The following KHDRBS3 variants were observed in gnomAD, a reference collection of about 807,000 sequenced individuals.
KHDRBS3 encodes KH domain-containing, RNA-binding, signal transduction-associated protein 3.
KHDRBS3 carries 23 observed loss-of-function variants against 45.6 expected under a neutral mutation model. The observed-to-expected ratio is 0.50, with a 90% confidence interval of 0.36 to 0.72. The LOEUF (loss-of-function observed/expected upper bound fraction) is 0.72. KHDRBS3 is among the 30% of genes least tolerant of loss of function. The probability of loss-of-function intolerance (pLI) is 0.00; values close to 1 mark genes in which losing one functional copy is unlikely to be tolerated. For synonymous variants in KHDRBS3, 162 were observed against 156.5 expected (o/e 1.04, Z -0.26); for missense variants, 352 against 424.8 (o/e 0.83, Z 1.51).
chr8:135,626,261 T>C (rs1830356298), intron 7 of KHDRBS3, among the ~76,000 whole-genome samples: 1 of 152,216 alleles, frequency 6.6e-6, no homozygotes, highest in African/African-American at 2.4e-5. Flanking sequence ...AGAGAATAAA[T>C]CCTAAAGTCT....
In KHDRBS3 at chr8:135,618,584, G is replaced by A. The variant is rs560439646; in HGVS notation, c.890+11547G>A. Among the ~76,000 whole-genome samples the A allele has an allele frequency of 1.1e-4, 16 of 152,282 alleles. No individual in the cohort carries two copies. The South Asian group carries it at 3.1e-3, about 30-fold the overall frequency. On this transcript the variant is annotated intron_variant, in intron 7 of 8. Transcript: ENST00000355849. Reference sequence around the variant, plus strand: ...TACCCCAATTTTAGTAAGTAACTGAGTTGTAGTTTTATTTTTTGTATTCTC... The same window carrying A: ...TACCCCAATTTTAGTAAGTAACTGAATTGTAGTTTTATTTTTTGTATTCTC...
intron 7 of KHDRBS3, among the ~76,000 whole-genome samples, chr8:135,640,382 G>A (rs1172101330): frequency 6.6e-6 from 1 of 152,100 alleles, no homozygotes; most frequent in Non-Finnish European, 1.5e-5. Flanking sequence ...GGATGACCTG[G>A]GGAAGGTCGA....
At chr8:135,497,227 C>G (rs1055079744) in intron 1 of KHDRBS3, among the ~76,000 whole-genome samples, 13 of 152,334 alleles carry the variant, frequency 8.5e-5, no homozygotes, top group Non-Finnish European at 1.5e-4. Flanking sequence ...AATATCCCCA[C>G]TTCATTCCTG....
At chr8:135,558,127 A>T (rs1246436759) in intron 5 of KHDRBS3, among the ~76,000 whole-genome samples, 1 of 152,170 alleles carries the variant, frequency 6.6e-6, no homozygotes, top group Non-Finnish European at 1.5e-5. Flanking sequence ...ACCAATCCTA[A>T]GCACAGTGTG....
chr8:135,559,484 C>G (rs1236909596), intron 5 of KHDRBS3, among the ~76,000 whole-genome samples: 4 of 152,152 alleles, frequency 2.6e-5, no homozygotes, highest in African/African-American at 9.7e-5. Context: ...TCCCGAGTAG[C>G]TGGGATTACA....
intron 5 of KHDRBS3, among the ~76,000 whole-genome samples, chr8:135,563,741 G>A (rs1004136595): frequency 3.9e-5 from 6 of 152,146 alleles, no homozygotes; most frequent in African/African-American, 1.4e-4. Flanking sequence ...GTATGTGAAG[G>A]TACTGGTTTT....
At chr8:135,506,404 CTTT>C (rs35050617) in intron 1 of KHDRBS3, among the ~76,000 whole-genome samples, 6 of 139,728 alleles carry the variant, frequency 4.3e-5, no homozygotes, top group Non-Finnish European at 7.8e-5. Context: ...TAACATTCCT[CTTT>C]TTTTTTTTTT....
chr8:135,579,377 GGCTGGAGTGC>G (rs1458574697), intron 5 of KHDRBS3, among the ~76,000 whole-genome samples: 1 of 152,138 alleles, frequency 6.6e-6, no homozygotes. Flanking sequence ...CTGTCACCCA[GGCTGGAGTGC>G]ATCTAGGTGG....
chr8:135,604,158 T>C (rs1427275884), intron 6 of KHDRBS3, among the ~76,000 whole-genome samples: 1 of 152,062 alleles, frequency 6.6e-6, no homozygotes, highest in African/African-American at 2.4e-5. Flanking sequence ...ATTGATCTTT[T>C]TATCATTTTT....
intron 2 of KHDRBS3, among the ~76,000 whole-genome samples, chr8:135,527,690 AAT>A (rs1222243345): frequency 6.6e-6 from 1 of 152,244 alleles, no homozygotes; most frequent in Non-Finnish European, 1.5e-5. Context: ...AGTGAGTTGT[AAT>A]ATGACATTAA....
chr8:135,645,992 ATTTTTTTTTTTTTTT>A (rs57082119), intron 8 of KHDRBS3, among the ~76,000 whole-genome samples: 2 of 100,688 alleles, frequency 2.0e-5, no homozygotes, highest in Non-Finnish European at 3.7e-5. Flanking sequence ...TGCACCTTGG[ATTTTTTTTTTTTTTT>A]TTTTTTTTTT....
chr8:135,619,644 C>T (rs982167330), intron 7 of KHDRBS3, among the ~76,000 whole-genome samples: 2 of 152,160 alleles, frequency 1.3e-5, no homozygotes, highest in Non-Finnish European at 2.9e-5. Flanking sequence ...TATCACACAT[C>T]GTAAATGCTA....
intron 1 of KHDRBS3, among the ~76,000 whole-genome samples, chr8:135,465,998 TTCTC>T (rs1368185033): frequency 1.3e-5 from 2 of 152,216 alleles, no homozygotes; most frequent in African/African-American, 4.8e-5. Flanking sequence ...TCCTTGTTCT[TTCTC>T]TGCTTCAATG....
At chr8:135,524,392 T>G (rs1404903300) in intron 2 of KHDRBS3, among the ~76,000 whole-genome samples, 1 of 152,216 alleles carries the variant, frequency 6.6e-6, no homozygotes, top group Admixed American at 6.5e-5. Context: ...AGTGTTTCTT[T>G]CCATTTTCTC....
intron 5 of KHDRBS3, among the ~76,000 whole-genome samples, chr8:135,580,098 A>G (rs1030832028): frequency 2.0e-5 from 3 of 152,136 alleles, no homozygotes; most frequent in Non-Finnish European, 2.9e-5. Context: ...TCTGAGGGTG[A>G]TTTAGTATTT....
At chr8:135,579,661 AT>A (rs1226538365) in intron 5 of KHDRBS3, among the ~76,000 whole-genome samples, 1 of 152,094 alleles carries the variant, frequency 6.6e-6, no homozygotes, top group Non-Finnish European at 1.5e-5. Context: ...ACTTGAGGAA[AT>A]TTACTGAAAG....
In KHDRBS3 at chr8:135,654,928, C is replaced by T. The variant is rs184352826; in HGVS notation, c.*118-1298C>T. Among the ~76,000 whole-genome samples the T allele has an allele frequency of 6.6e-5, 10 of 152,340 alleles. No homozygotes were observed. In the East Asian group the frequency reaches 1.5e-3, roughly 24 times the overall value. On this transcript the variant is annotated intron_variant and NMD_transcript_variant, in intron 4 of 4. Coordinates refer to the KHDRBS3 transcript ENST00000521461. ...TTTTATCTCTCTCAGCCAAAAGAGC[C>T]TTCTCTTCTCTCCGCATGAGAATCC...
intron 7 of KHDRBS3, chr8:135,625,996 G>A (rs975674834): frequency 9.7e-6 from 7 of 721,704 alleles, no homozygotes; most frequent in African/African-American, 3.4e-5. Context: ...GGCTCTTGGC[G>A]GAACCGTGTC....
intron 2 of KHDRBS3, among the ~76,000 whole-genome samples, chr8:135,521,953 T>C (rs1321971656): frequency 6.6e-6 from 1 of 152,232 alleles, no homozygotes; most frequent in Non-Finnish European, 1.5e-5. Flanking sequence ...TTTTCTTTTT[T>C]TAACGTTGTA....
Sources: gnomAD v4.1 joint callset for allele counts (sites outside exome capture counted in the v4.1 genomes callset) on GRCh38, gnomAD v4.1.1 for gene constraint, MANE v1.5 for transcripts, NCBI Gene and HGNC (gene_info 2026-07-23, HGNC 2026-07-21) for gene names.